Variants in XPO7 observed in about 807,000 individuals in gnomAD.
The protein encoded by XPO7 is exportin-7.
Under a neutral mutation model 144.3 loss-of-function variants are expected in XPO7, and 21 were observed. That is an observed-to-expected ratio of 0.15 (90% CI 0.10 to 0.21). The LOEUF (loss-of-function observed/expected upper bound fraction) is 0.21. XPO7 is among the 10% of genes least tolerant of loss of function. XPO7 has a pLI of 1.00. For missense variants in XPO7, 808 were observed against 1,325.8 expected (o/e 0.61, Z 6.06); for synonymous variants, 580 against 499.6 (o/e 1.16, Z -2.15).
Position 21,971,956 on chromosome 8 carries a change from C to G in XPO7, c.492+15C>G. The G allele has an allele frequency of 6.2e-7, 1 of 1,611,754 alleles. No homozygotes were observed. On this transcript the variant is annotated intron_variant, in intron 5 of 27. Transcript: ENST00000252512. Reference sequence around the variant, plus strand: ...AAATTAATCAAGTAAGTGCTACAGCCTTCCTCATTGAAGTAAGTGCCATAT... The same window carrying G: ...AAATTAATCAAGTAAGTGCTACAGCGTTCCTCATTGAAGTAAGTGCCATAT...
chr8:22,000,676 A>G (rs1585485617), intron 24 of XPO7, among the ~76,000 whole-genome samples: 2 of 152,028 alleles, frequency 1.3e-5, no homozygotes, highest in East Asian at 1.9e-4. Context: ...GATAGTCTCA[A>G]TCTCCTGACC....
chr8:21,937,906 C>T (rs899985000), intron 1 of XPO7, among the ~76,000 whole-genome samples: 1 of 152,080 alleles, frequency 6.6e-6, no homozygotes, highest in Non-Finnish European at 1.5e-5. Context: ...TTGCATTAAA[C>T]TCCCACTTTC....
At chr8:22,003,134 T>G in intron 25 of XPO7, 85 bp from the exon 26 acceptor site, 1 of 1,035,016 alleles carries the variant, frequency 9.7e-7, no homozygotes. Flanking sequence ...TTCAGCCTAA[T>G]ATACTCCTGT....
At chr8:21,962,168 C>A (rs1301931380) in intron 1 of XPO7, among the ~76,000 whole-genome samples, 4 of 152,140 alleles carry the variant, frequency 2.6e-5, no homozygotes, top group Non-Finnish European at 5.9e-5. Flanking sequence ...TATAAACATT[C>A]AAAGAGCAAG....
At chr8:21,969,806 C>G in intron 3 of XPO7, 1 of 555,070 alleles carries the variant, frequency 1.8e-6, no homozygotes, top group South Asian at 2.4e-5. Flanking sequence ...GAGATTTCTT[C>G]ATTCATCTTT....
At chr8:21,939,160 C>T (rs996132297) in intron 1 of XPO7, among the ~76,000 whole-genome samples, 1 of 150,906 alleles carries the variant, frequency 6.6e-6, no homozygotes. Flanking sequence ...TAGGTGTACG[C>T]TTTGCCTATG....
At chr8:21,933,159 G>A (rs1040115229) in intron 1 of XPO7, among the ~76,000 whole-genome samples, 1 of 142,972 alleles carries the variant, frequency 7.0e-6, no homozygotes, top group Admixed American at 7.3e-5. Flanking sequence ...GGAGTACAGT[G>A]GCGCGATCTT....
At chr8:21,954,853 C>T (rs547801796) in intron 1 of XPO7, among the ~76,000 whole-genome samples, 34 of 152,122 alleles carry the variant, frequency 2.2e-4, no homozygotes, top group Middle Eastern at 3.4e-3. Flanking sequence ...AGTTGTTTGA[C>T]CTTGTTTGCT....
At chr8:21,953,293 C>T (rs1039158736) in intron 1 of XPO7, among the ~76,000 whole-genome samples, 1 of 152,128 alleles carries the variant, frequency 6.6e-6, no homozygotes, top group Non-Finnish European at 1.5e-5. Flanking sequence ...CCTGCAAACT[C>T]CTGGCAACCA....
chr8:21,994,079 C>T (rs1408177521), intron 19 of XPO7, among the ~76,000 whole-genome samples: 5 of 151,204 alleles, frequency 3.3e-5, no homozygotes, highest in South Asian at 2.1e-4. Context: ...ATTTTTGCTA[C>T]GAACCAGGAA....
chr8:21,967,114 G>A, intron 2 of XPO7, 111 bp downstream of exon 2: 1 of 1,392,448 alleles, frequency 7.2e-7, no homozygotes, highest in Non-Finnish European at 9.5e-7. Context: ...TTTTCTAGGT[G>A]TCCCTGACTT....
intron 26 of XPO7, 71 bp downstream of exon 26, chr8:22,003,388 G>C (rs1457774355): frequency 3.2e-6 from 4 of 1,242,544 alleles, no homozygotes; most frequent in Non-Finnish European, 4.6e-6. Context: ...ACCAAGCCCT[G>C]GGAGAAATGT....
At chr8:21,983,097 T>C (rs1345287061) in intron 11 of XPO7, among the ~76,000 whole-genome samples, 1 of 152,234 alleles carries the variant, frequency 6.6e-6, no homozygotes, top group South Asian at 2.1e-4. Context: ...TTGCCGCTGT[T>C]TTTCTTTCAA....
At chr8:21,976,617 C>T (rs933682119) in intron 7 of XPO7, 96 bp downstream of exon 7, 28 of 1,367,884 alleles carry the variant, frequency 2.0e-5, no homozygotes, top group Non-Finnish European at 2.6e-5. Context: ...CCTGTGTATT[C>T]TGAGGGAGAA....
At chr8:21,982,245 A>AT (rs2117359385) in intron 10 of XPO7, among the ~76,000 whole-genome samples, 1 of 152,316 alleles carries the variant, frequency 6.6e-6, no homozygotes, top group South Asian at 2.1e-4. Flanking sequence ...TATGGCTTGT[A>AT]TCACAGTCAT....
chr8:21,975,362 G>A (rs997103930), intron 6 of XPO7, among the ~76,000 whole-genome samples: 24 of 152,294 alleles, frequency 1.6e-4, no homozygotes, highest in Middle Eastern at 3.4e-3. Flanking sequence ...TGTTAAAATC[G>A]AAAGTTGGTG....
intron 18 of XPO7, among the ~76,000 whole-genome samples, chr8:21,991,214 T>C (rs1812761791): frequency 6.6e-6 from 1 of 152,202 alleles, no homozygotes; most frequent in Non-Finnish European, 1.5e-5. Flanking sequence ...ATGTATCTTT[T>C]TGGCCAGATA....
intron 1 of XPO7, among the ~76,000 whole-genome samples, chr8:21,935,484 T>C (rs1269966676): frequency 6.6e-6 from 1 of 152,246 alleles, no homozygotes; most frequent in Non-Finnish European, 1.5e-5. Context: ...TGTTCAGGTA[T>C]CTTTCCAGTA....
intron 1 of XPO7, among the ~76,000 whole-genome samples, chr8:21,953,859 C>G (rs560972110): frequency 6.6e-6 from 1 of 152,140 alleles, no homozygotes; most frequent in Non-Finnish European, 1.5e-5. Flanking sequence ...GGTTTGTTTT[C>G]TTATTGTTGA....
Sources: gnomAD v4.1 joint callset for allele counts (sites outside exome capture counted in the v4.1 genomes callset) on GRCh38, gnomAD v4.1.1 for gene constraint, MANE v1.5 for transcripts, NCBI Gene and HGNC (gene_info 2026-07-23, HGNC 2026-07-21) for gene names.